Variants in ABCA13 observed in about 807,000 individuals in gnomAD.
The protein encoded by ABCA13 is ATP binding cassette subfamily A member 13.
A neutral mutation model predicts 478.7 loss-of-function variants in ABCA13; 476 were observed. The ratio of observed to expected loss-of-function variants is 0.99; its 90% CI spans 0.92 to 1.07. ABCA13 has a LOEUF of 1.07. Ranked by LOEUF, ABCA13 falls within the 50% of genes least tolerant of loss-of-function variation. ABCA13 has a pLI of 0.00. For missense variants in ABCA13, 6,060 were observed against 5,910.6 expected, an observed-to-expected ratio of 1.03 and a Z score of -0.83; for synonymous variants, 2,252 against 2,158.9, an observed-to-expected ratio of 1.04 and a Z score of -1.20.
chr7:48,605,174 CTT>C (rs1791342833), intron 58 of ABCA13, among the ~76,000 whole-genome samples: 1 of 145,990 alleles, frequency 6.8e-6, no homozygotes. Flanking sequence ...GGTCTTGACT[CTT>C]TATCTAATTT....
intron 55 of ABCA13, among the ~76,000 whole-genome samples, chr7:48,562,662 A>C (rs769256699): frequency 6.6e-6 from 1 of 152,186 alleles, no homozygotes; most frequent in African/African-American, 2.4e-5. Flanking sequence ...AACAGAGAAC[A>C]TGAAAAAGGA....
rs539017017 is a variant in ABCA13 at position 48,204,443 on chromosome 7, T to C, written c.287+6083T>C. 3.1e-3 allele frequency among the ~76,000 whole-genome samples: 475 copies of C among 152,268 alleles called. 5 individuals are homozygous for C. Among genetic ancestry groups the C allele is most frequent in the Non-Finnish European group, 5.1e-3 (346 of 68,006 alleles). ...CCAGGCTGGTCTTGAATTCCTGACC[T>C]CAGGCGATCTGCCCCCCTTGGCCTC... On this transcript the variant is annotated intron_variant, in intron 3 of 61. Transcript: ENST00000435803.
chr7:48,177,104 GA>G (rs1050872951), intron 1 of ABCA13, among the ~76,000 whole-genome samples: 1 of 151,826 alleles, frequency 6.6e-6, no homozygotes, highest in Non-Finnish European at 1.5e-5. Context: ...TTCTGAAATT[GA>G]AAAAAAATTT....
chr7:48,311,932 G>A (rs749082596), intron 24 of ABCA13, among the ~76,000 whole-genome samples: 23 of 152,236 alleles, frequency 1.5e-4, no homozygotes, highest in Non-Finnish European at 2.6e-4. Context: ...AGCTGCGCTG[G>A]ATCCCTGTCA....
intron 3 of ABCA13, among the ~76,000 whole-genome samples, chr7:48,209,225 A>T (rs1785310723): frequency 6.6e-6 from 1 of 152,120 alleles, no homozygotes; most frequent in African/African-American, 2.4e-5. Context: ...TGTAATATTA[A>T]ATTCAGTTAA....
Position 48,392,123 on chromosome 7 carries a change from C to T in ABCA13, c.11857C>T (p.His3953Tyr), listed in dbSNP as rs997784177. The T allele has an allele frequency of 6.2e-7, 1 of 1,613,836 alleles. No individual in the cohort carries two copies. Among genetic ancestry groups the T allele is most frequent in the Non-Finnish European group, 8.5e-7 (1 of 1,179,874 alleles). Residue 3953 changes from histidine to tyrosine, a missense_variant, in exon 38 of 62, where the codon CAT becomes TAT. This residue lies in a region of ABCA13 where 1,627 missense variants were observed against 1,571.0 expected (regional missense o/e 1.04). Transcript: ENST00000435803. ...GCCTCAGTGGACCAAGAAGGAGCTG[C>T]ATCAGCAAGTCAATCAGTTAGTAAA... ...KAPQWTKKEL[H>Y]QQVNQTLQDV...
At position 48,310,051 on chromosome 7, in the gene ABCA13, G is replaced by A. The variant is rs145966622; in HGVS notation, c.9426G>A (p.Ala3142=). ...AAGGGGAAAAATCTTGGATCGCAGC[G>A]GAGGAACTCTGTAGCCTGCCAGGGT... ...FPKGEKSWIA[A]EELCSLPGSK... The change falls in exon 24 of 62, where the codon GCG becomes GCA. Residue 3142 remains alanine, a synonymous_variant. Coordinates refer to ENST00000435803, the MANE Select transcript of ABCA13 (RefSeq NM_152701.5). 706 of 1,613,914 alleles carry A rather than the reference G, an allele frequency of 4.4e-4. 2 individuals carry two copies. The African/African-American group carries it at 8.0e-3, about 18-fold the overall frequency.
chr7:48,637,754 C>A (rs1237785089), intron 59 of ABCA13, among the ~76,000 whole-genome samples: 1 of 151,994 alleles, frequency 6.6e-6, no homozygotes, highest in African/African-American at 2.4e-5. Flanking sequence ...TAAAATGATC[C>A]CCTTTGGTTA....
chr7:48,268,981 T>C lies in ABCA13; in HGVS notation c.2007T>C (p.Ala669=). The change falls in exon 16 of 62, where the codon GCT becomes GCC. Residue 669 remains alanine, a splice_region_variant and synonymous_variant. Transcript: ENST00000435803. ...TGTAGAAAATGTCTTTTTATTTAGC[T>C]TTTCCTGAGGAATCTCCTTGTTTTG... ...MQESFQNRLL[A]FPEESPCFEE... 1 of 1,535,978 alleles carries C rather than the reference T, an allele frequency of 6.5e-7. No individual in the cohort carries two copies. Among genetic ancestry groups the C allele is most frequent in the Non-Finnish European group, 9.0e-7 (1 of 1,114,764 alleles).
chr7:48,495,792 C>G (rs919159772), intron 48 of ABCA13, among the ~76,000 whole-genome samples: 1 of 151,932 alleles, frequency 6.6e-6, no homozygotes, highest in Non-Finnish European at 1.5e-5. Flanking sequence ...GTGGATTGAG[C>G]CTTTTATCAT....
chr7:48,476,383 G>A (rs1437929789), intron 45 of ABCA13, among the ~76,000 whole-genome samples: 1 of 152,180 alleles, frequency 6.6e-6, no homozygotes, highest in African/African-American at 2.4e-5. Flanking sequence ...ATAATAACGA[G>A]CTGATTAAAA....
At position 48,350,745 on chromosome 7, in the gene ABCA13, T is replaced by A; in HGVS notation, c.10307T>A (p.Phe3436Tyr). The change falls in exon 30 of 62, where the codon TTC (phenylalanine) becomes TAC (tyrosine). Residue 3436 changes from phenylalanine (F) to tyrosine (Y), a missense_variant. Physicochemically the swap from Phe to Tyr is conservative, Grantham distance 22. Coordinates refer to ENST00000435803, the MANE Select transcript of ABCA13 (RefSeq NM_152701.5). ...NLSSCVALNR[F>Y]QALQSVDILE... ...TCTTCCTGCGTGGCACTGAACCGTT[T>A]CCAGGCTCTGCAGTCTGTCGACATC... The A allele has an allele frequency of 6.2e-7, 1 of 1,613,954 alleles. No homozygotes were observed. The highest frequency in any genetic ancestry group is 1.1e-5 in the South Asian group (1 of 91,086).
chr7:48,279,904 C>T lies in ABCA13; in HGVS notation c.8710C>T (p.Pro2904Ser). 6.6e-7 allele frequency: 1 copy of T among 1,518,766 alleles called. No homozygotes were observed. Among genetic ancestry groups the T allele is most frequent in the Non-Finnish European group, 8.8e-7 (1 of 1,137,934 alleles). The allele number at this position is 1,518,766 out of a possible 1,614,324, so 94.1% of individuals were successfully genotyped here. The change falls in exon 18 of 62, where the codon CCA becomes TCA. Residue 2904 changes from proline (P) to serine (S), a missense_variant. This residue lies in a region of ABCA13 where 4,423 missense variants were observed against 4,309.1 expected (regional missense o/e 1.03). Transcript: ENST00000435803. ...ATTGACTAAATACTGGCAACAAATC[C>T]CACTAACAGATCAAAGGTAATTAAA... ...FVLTKYWQQI[P>S]LTDQSVVEIC... is the part of the protein sequence containing the mutation.
chr7:48,626,375 T>A (rs931045930), intron 59 of ABCA13, among the ~76,000 whole-genome samples: 1 of 151,972 alleles, frequency 6.6e-6, no homozygotes, highest in African/African-American at 2.4e-5. Context: ...GCATTAGAGG[T>A]AGTGGCACAG....
chr7:48,269,171 TGCAC>T, intron 16 of ABCA13, 77 bp downstream of exon 16: 1 of 771,388 alleles, frequency 1.3e-6, no homozygotes, highest in Non-Finnish European at 2.2e-6. Context: ...TTATAGGATA[TGCAC>T]TCTTTAAAAT....
At chr7:48,376,311 T>G in intron 34 of ABCA13, 130 bp from the exon 35 acceptor site, 1 of 1,080,642 alleles carries the variant, frequency 9.3e-7, no homozygotes, top group East Asian at 2.4e-5. Flanking sequence ...TGGCCAGTGA[T>G]ATTGACCTTC....
At chr7:48,317,762 T>A (rs1997123) in intron 27 of ABCA13, among the ~76,000 whole-genome samples, 74,423 of 152,024 alleles carry the variant, frequency 0.49, 18,546 homozygotes, top group East Asian at 0.78. Flanking sequence ...AGGCTTTGCT[T>A]CACCCTGTGG....
intron 15 of ABCA13, among the ~76,000 whole-genome samples, chr7:48,266,215 G>A (rs922816590): frequency 1.3e-5 from 2 of 151,434 alleles, no homozygotes; most frequent in Non-Finnish European, 1.5e-5. Flanking sequence ...TTTATGAGGG[G>A]CAGTGGTCTT....
rs369363967 is a variant in ABCA13 at position 48,412,550 on chromosome 7, G to A, written c.12426G>A (p.Thr4142=). 2.9e-4 allele frequency: 461 copies of A among 1,611,798 alleles called. No individual in the cohort carries two copies. In the African/African-American group the frequency reaches 5.5e-3, roughly 19 times the overall value. The change falls in exon 41 of 62, where the codon ACG becomes ACA. Residue 4142 remains threonine (T), a synonymous_variant. Coordinates refer to ENST00000435803, the MANE Select transcript of ABCA13 (RefSeq NM_152701.5). ...LDENLHQLHL[T]GYGISDTTLE... ...AGAACCTGCATCAGCTGCACCTGACGGGCTATGGGATCTCAGACACCACCT... is the reference window on the plus strand; with the variant it reads ...AGAACCTGCATCAGCTGCACCTGACAGGCTATGGGATCTCAGACACCACCT...
Sources: allele counts gnomAD v4.1 joint callset (sites outside exome capture counted in the v4.1 genomes callset), GRCh38; gene constraint gnomAD v4.1.1; regional missense constraint gnomAD v4.1.1; transcripts MANE v1.5; gene names NCBI Gene and HGNC (gene_info 2026-07-23, HGNC 2026-07-21).